The following FAAH2 variants were observed in gnomAD, a reference collection of about 807,000 sequenced individuals.
FAAH2 encodes fatty-acid amide hydrolase 2.
FAAH2 carries 60 observed loss-of-function variants against 36.9 expected under a neutral mutation model. The ratio of observed to expected loss-of-function variants is 1.63; its 90% CI spans 1.32 to 2.02. FAAH2 has a LOEUF of 2.02. Among genes scored for constraint, FAAH2 ranks in the 30% most tolerant of loss-of-function variants. The probability of loss-of-function intolerance (pLI) is 0.00; values close to 1 mark genes in which losing one functional copy is unlikely to be tolerated. For synonymous variants in FAAH2, 214 were observed against 143.8 expected, an observed-to-expected ratio of 1.49 and a Z score of -3.49; for missense variants, 689 against 397.5, an observed-to-expected ratio of 1.73 and a Z score of -6.23.
intron 7 of FAAH2, chrX:57,394,282 C>T (rs972380664): frequency 6.7e-6 from 6 of 899,827 alleles, no homozygotes; most frequent in Admixed American, 2.2e-5. Context: ...CGATTGTAGT[C>T]GTGCTTTTCC....
the FAAH2 span, among the ~76,000 whole-genome samples, chrX:57,253,463 A>G: frequency 1.8e-5 from 2 of 111,661 alleles, no homozygotes; most frequent in Non-Finnish European, 3.8e-5. Flanking sequence ...AAGACACATA[A>G]TTGTCAAATT....
At chrX:57,174,613 T>C in the FAAH2 span, among the ~76,000 whole-genome samples, 2 of 111,473 alleles carry the variant, frequency 1.8e-5, no homozygotes, top group Non-Finnish European at 3.8e-5. Flanking sequence ...TCCTTTCTTT[T>C]ACTAGCTTTG....
At chrX:57,172,599 C>G in the FAAH2 span, among the ~76,000 whole-genome samples, 2 of 112,293 alleles carry the variant, frequency 1.8e-5, no homozygotes, top group East Asian at 5.6e-4. Flanking sequence ...CCTTGGTGTA[C>G]TAGAAGAATT....
the FAAH2 span, among the ~76,000 whole-genome samples, chrX:57,272,732 G>A: frequency 8.9e-6 from 1 of 112,299 alleles, no homozygotes; most frequent in South Asian, 3.7e-4. Flanking sequence ...CGCTAGATCT[G>A]CCTTACAGAG....
chrX:57,133,713 A>C, the FAAH2 span, among the ~76,000 whole-genome samples: 3 of 112,504 alleles, frequency 2.7e-5, no homozygotes, highest in South Asian at 3.7e-4. Flanking sequence ...AATTAAAAAT[A>C]GAAAATAATG....
At chrX:57,385,929 G>A (rs1401193370) in intron 7 of FAAH2, among the ~76,000 whole-genome samples, 1 of 106,701 alleles carries the variant, frequency 9.4e-6, no homozygotes, top group Non-Finnish European at 1.9e-5. Context: ...AATAGCATAA[G>A]TGGATACATT....
Position 57,488,755 on chromosome X carries a change from A to C in FAAH2, c.1424-2A>C, listed in dbSNP as rs766057981. ...CTCACTTATTTTGTTTGTTTTCTTC[A>C]GGTGTCTTCAGTGCCCTGGGTTTGC... On this transcript the variant is annotated splice_acceptor_variant, in intron 10 of 10. Coordinates refer to ENST00000374900, the MANE Select transcript of FAAH2 (RefSeq NM_174912.4). LOFTEE classifies it high-confidence loss of function. 4 of 1,208,440 alleles carry C rather than the reference A, an allele frequency of 3.3e-6. No individual in the cohort carries two copies. The South Asian group carries it at 7.1e-5, about 22-fold the overall frequency.
chrX:57,479,550 G>T (rs940601897), intron 10 of FAAH2, among the ~76,000 whole-genome samples: 2 of 111,236 alleles, frequency 1.8e-5, no homozygotes, highest in African/African-American at 6.5e-5. Context: ...GTGAGAGAGG[G>T]CATCCCTGTC....
chrX:57,157,652 T>C, the FAAH2 span, among the ~76,000 whole-genome samples: 1 of 111,452 alleles, frequency 9.0e-6, no homozygotes, highest in Non-Finnish European at 1.9e-5. Flanking sequence ...CATTTTTTCT[T>C]ATATTTATGT....
the FAAH2 span, among the ~76,000 whole-genome samples, chrX:57,129,129 C>T: frequency 9.0e-6 from 1 of 111,650 alleles, no homozygotes; most frequent in Non-Finnish European, 1.9e-5. Context: ...AAAACAGAGA[C>T]CATATTTGAA....
rs1007328363 is a variant in FAAH2 at position 57,412,810 on chromosome X, C to A, written c.997-19108C>A. Among the ~76,000 whole-genome samples the A allele has an allele frequency of 3.6e-5, 4 of 111,843 alleles. No homozygotes were observed. In the Admixed American group the frequency reaches 3.8e-4, roughly 11 times the overall value. Reference sequence around the variant, plus strand: ...CGAGGAATCACCACACTGTCTTCCACAATGGTTGAACTAATTGATACTCCA... The same window carrying A: ...CGAGGAATCACCACACTGTCTTCCAAAATGGTTGAACTAATTGATACTCCA... On this transcript the variant is annotated intron_variant, in intron 7 of 10. Coordinates refer to ENST00000374900, the MANE Select transcript of FAAH2 (RefSeq NM_174912.4).
the FAAH2 span, among the ~76,000 whole-genome samples, chrX:57,182,788 A>G: frequency 8.9e-6 from 1 of 111,920 alleles, no homozygotes; most frequent in Non-Finnish European, 1.9e-5. Context: ...ACATGAAATC[A>G]ATGTAATGTC....
intron 7 of FAAH2, among the ~76,000 whole-genome samples, chrX:57,409,737 A>T (rs2055653539): frequency 9.1e-6 from 1 of 109,542 alleles, no homozygotes; most frequent in Non-Finnish European, 1.9e-5. Context: ...CTATGTTTCC[A>T]CTTGTTATGT....
At chrX:57,465,330 CA>C (rs1298794297) in intron 10 of FAAH2, among the ~76,000 whole-genome samples, 3 of 110,810 alleles carry the variant, frequency 2.7e-5, no homozygotes. Flanking sequence ...AAAGATGAAT[CA>C]AAAAAAGTTT....
At chrX:57,231,983 A>C in the FAAH2 span, among the ~76,000 whole-genome samples, 1 of 111,549 alleles carries the variant, frequency 9.0e-6, no homozygotes, top group Non-Finnish European at 1.9e-5. Flanking sequence ...TTCTATCAAT[A>C]AATTTCCATA....
chrX:57,415,572 G>T (rs2055819677), intron 7 of FAAH2, among the ~76,000 whole-genome samples: 1 of 111,939 alleles, frequency 8.9e-6, no homozygotes, highest in Non-Finnish European at 1.9e-5. Context: ...TAATTTGATT[G>T]CACTGTGGTC....
At chrX:57,339,423 TTAAC>T (rs935840955) in intron 4 of FAAH2, among the ~76,000 whole-genome samples, 1 of 111,944 alleles carries the variant, frequency 8.9e-6, no homozygotes, top group Non-Finnish European at 1.9e-5. Context: ...TGGAATCTAG[TTAAC>T]TAACAAGCCT....
chrX:57,287,750 G>T (rs765337179), intron 1 of FAAH2, among the ~76,000 whole-genome samples: 1 of 111,627 alleles, frequency 9.0e-6, no homozygotes, highest in South Asian at 3.8e-4. Context: ...TTGAGCTACA[G>T]TCTAGTATTG....
At chrX:57,135,596 T>C in the FAAH2 span, 1 of 683,810 alleles carries the variant, frequency 1.5e-6, no homozygotes, top group Non-Finnish European at 2.1e-6. Flanking sequence ...CCATGCCCCA[T>C]CTACCAAACA....
Sources: allele counts gnomAD v4.1 joint callset (sites outside exome capture counted in the v4.1 genomes callset), GRCh38; gene constraint gnomAD v4.1.1; transcripts MANE v1.5; gene names NCBI Gene and HGNC (gene_info 2026-07-23, HGNC 2026-07-21).